BICRA: variants seen among roughly 807,000 people sequenced by gnomAD.
BICRA encodes BRD4-interacting chromatin-remodeling complex-associated protein.
A neutral mutation model predicts 96.9 loss-of-function variants in BICRA; 31 were observed. The ratio of observed to expected loss-of-function variants is 0.32; its 90% CI spans 0.24 to 0.43. The LOEUF (loss-of-function observed/expected upper bound fraction) is 0.43. Ranked by LOEUF, BICRA falls within the 20% of genes least tolerant of loss-of-function variation. BICRA has a pLI of 1.00. For synonymous variants in BICRA, 1,350 were observed against 1,071.8 expected (o/e 1.26, Z -5.07); for missense variants, 2,283 against 2,190.3 (o/e 1.04, Z -0.84).
In BICRA at chr19:47,699,196, C is replaced by T; in HGVS notation, c.3493-107C>T. ...AGGGAGGTTGGGAGGGAGGCGGGAG[C>T]TCCCATCACAAGGACAGTTTGGACC... On this transcript the variant is annotated intron_variant, in intron 13 of 14. Transcript: ENST00000594866. This position sits in a 1 kb window ranked among gnomAD's most constrained non-coding sequence, Gnocchi z 5.0. The T allele has an allele frequency of 1.1e-6, 1 of 876,664 alleles. No homozygotes were observed. Among genetic ancestry groups the T allele is most frequent in the South Asian group, 1.4e-5 (1 of 69,380 alleles). 54.3% of individuals were successfully genotyped at this position (876,664 alleles called of 1,614,324 possible).
rs145245323 is a variant in BICRA, at chr19:47,658,128, A to T, written c.-107-12315A>T. ...TTTAGCCAAATGTGAAAACTTTCCC[A>T]TATCCATTCTGAGCTGCAAGGGAGT... On this transcript the variant is annotated intron_variant, in intron 1 of 14. Coordinates refer to ENST00000594866, the MANE Select transcript of BICRA (RefSeq NM_001394372.1). 9.2e-5 allele frequency among the ~76,000 whole-genome samples: 14 copies of T among 152,324 alleles called. No individual in the cohort carries two copies. In the East Asian group the frequency reaches 2.7e-3, roughly 29 times the overall value.
At position 47,699,413 on chromosome 19, in the gene BICRA, G is replaced by A. The variant is rs532712234; in HGVS notation, c.3595+8G>A. On this transcript the variant is annotated splice_region_variant and intron_variant, in intron 14 of 14. Coordinates refer to ENST00000594866, the MANE Select transcript of BICRA (RefSeq NM_001394372.1). This position sits in a 1 kb window ranked among gnomAD's most constrained non-coding sequence, Gnocchi z 5.0. ...TGGCCAAGGAGAAGCCGGGTGAGAG[G>A]GGGGAGTGAGAGGGGAGGGGAGGGA... 2.0e-6 allele frequency: 3 copies of A among 1,495,468 alleles called. No homozygotes were observed. The highest frequency in any genetic ancestry group is 2.7e-6 in the Non-Finnish European group (3 of 1,094,704). 92.6% of individuals were successfully genotyped at this position (1,495,468 alleles called of 1,614,324 possible).
intron 7 of BICRA, among the ~76,000 whole-genome samples, chr19:47,682,760 C>T (rs371722850): frequency 6.6e-6 from 1 of 151,944 alleles, no homozygotes; most frequent in African/African-American, 2.4e-5. Flanking sequence ...CAACCTCCGC[C>T]TCCGATGTTT....
chr19:47,648,298 C>T (rs1972492073), intron 1 of BICRA, among the ~76,000 whole-genome samples: 1 of 151,906 alleles, frequency 6.6e-6, no homozygotes, highest in African/African-American at 2.4e-5. Flanking sequence ...GGTTTCTGGT[C>T]GGCCTGTGGA....
At chr19:47,612,285 C>T (rs987062395) in intron 1 of BICRA, among the ~76,000 whole-genome samples, 5 of 151,806 alleles carry the variant, frequency 3.3e-5, no homozygotes, top group African/African-American at 1.2e-4. Flanking sequence ...CATGGTGGCA[C>T]TCACCTGTGG....
At chr19:47,677,223 T>C (rs1350992082) in intron 5 of BICRA, among the ~76,000 whole-genome samples, 1 of 152,210 alleles carries the variant, frequency 6.6e-6, no homozygotes, top group Non-Finnish European at 1.5e-5. Context: ...CCGTGAACCC[T>C]CCATGTGGAT....
chr19:47,674,393 A>G (rs1169563385), intron 4 of BICRA, among the ~76,000 whole-genome samples: 1 of 152,224 alleles, frequency 6.6e-6, no homozygotes. Context: ...GCCCTTAAAC[A>G]CGAGAATGCC....
chr19:47,694,762 C>G, intron 8 of BICRA, 36 bp downstream of exon 8: 1 of 1,136,772 alleles, frequency 8.8e-7, no homozygotes, highest in Non-Finnish European at 1.3e-6. Context: ...CCCATCAGCC[C>G]CATCCCATCC....
chr19:47,681,913 G>A (rs1032556424), intron 6 of BICRA, 63 bp from the exon 7 acceptor site: 10 of 1,139,770 alleles, frequency 8.8e-6, no homozygotes, highest in African/African-American at 4.6e-5. Flanking sequence ...CAGGGGTCTC[G>A]GGTGGGGAGG....
intron 7 of BICRA, among the ~76,000 whole-genome samples, chr19:47,683,866 G>C (rs984527467): frequency 2.0e-5 from 3 of 152,180 alleles, no homozygotes; most frequent in Non-Finnish European, 4.4e-5. Context: ...TTATAGGCGT[G>C]AGCCACCGCA....
chr19:47,666,822 C>A (rs1442376407), intron 1 of BICRA, among the ~76,000 whole-genome samples: 2 of 152,134 alleles, frequency 1.3e-5, no homozygotes, highest in Non-Finnish European at 2.9e-5. Flanking sequence ...CATCCTCCTG[C>A]CTCAGCTTCC....
At chr19:47,685,774 T>C (rs1164450501) in intron 7 of BICRA, among the ~76,000 whole-genome samples, 32 of 134,114 alleles carry the variant, frequency 2.4e-4, no homozygotes, top group Non-Finnish European at 4.4e-4. Flanking sequence ...TGTGTGTGTG[T>C]GTGTGTGTGT....
chr19:47,649,116 G>T (rs1972506446), intron 1 of BICRA, among the ~76,000 whole-genome samples: 1 of 152,046 alleles, frequency 6.6e-6, no homozygotes, highest in Non-Finnish European at 1.5e-5. Context: ...ATCCCAAAGT[G>T]CTGGGATTAC....
chr19:47,702,478 G>C lies in BICRA; in HGVS notation c.*63G>C, dbSNP rs947759816. On this transcript the variant is annotated 3_prime_UTR_variant, in exon 15 of 15. Coordinates refer to ENST00000594866, the MANE Select transcript of BICRA (RefSeq NM_001394372.1). Reference sequence around the variant, plus strand: ...AAGACGCCGGGACAGTCGGGTGTCCGCCCTCAGCCTCCTGGGGACTCGAGC... The same window carrying C: ...AAGACGCCGGGACAGTCGGGTGTCCCCCCTCAGCCTCCTGGGGACTCGAGC... The C allele has an allele frequency of 5.0e-6, 7 of 1,404,316 alleles. No homozygotes were observed. The highest frequency in any genetic ancestry group is 3.0e-5 in the African/African-American group (2 of 65,740). The allele number at this position is 1,404,316 out of a possible 1,614,324, so 87.0% of individuals were successfully genotyped here.
chr19:47,662,315 T>C (rs1417667624), intron 1 of BICRA: 1 of 152,414 alleles, frequency 6.6e-6, no homozygotes, highest in Non-Finnish European at 1.5e-5. Context: ...TCTCATCCTC[T>C]TGCAGGCCAG....
Position 47,679,864 on chromosome 19 carries a change from C to A in BICRA, c.694C>A (p.Leu232Met). 6.6e-7 allele frequency: 1 copy of A among 1,514,460 alleles called. No homozygotes were observed. The highest frequency in any genetic ancestry group is 8.8e-7 in the Non-Finnish European group (1 of 1,137,158). 93.8% of individuals were successfully genotyped at this position (1,514,460 alleles called of 1,614,324 possible). ...GGGTGCCACGGCGGCCACACTGGGC[C>A]TGGCGCCCATCCAGGTGGTGGGCCA... ...PGGATAATLG[L>M]APIQVVGQPV... is the part of the protein sequence containing the mutation. The change falls in exon 6 of 15, where the codon CTG (leucine) becomes ATG (methionine). Residue 232 changes from leucine (L) to methionine (M), a missense_variant. Transcript: ENST00000594866.
At chr19:47,638,613 T>TCACACACACACA (rs34512769) in intron 1 of BICRA, among the ~76,000 whole-genome samples, 1 of 149,830 alleles carries the variant, frequency 6.7e-6, no homozygotes, top group African/African-American at 2.5e-5. Flanking sequence ...TCTCTCTCTG[T>TCACACACACACA]CACACACACA....
chr19:47,637,608 A>G (rs1460744536), intron 1 of BICRA, among the ~76,000 whole-genome samples: 1 of 152,170 alleles, frequency 6.6e-6, no homozygotes, highest in African/African-American at 2.4e-5. Flanking sequence ...GTATCTCCAC[A>G]GAGTTGTGCA....
chr19:47,643,984 TAG>T (rs1012823117), intron 1 of BICRA, among the ~76,000 whole-genome samples: 8 of 152,144 alleles, frequency 5.3e-5, no homozygotes, highest in Non-Finnish European at 1.2e-4. Context: ...GAGCATGATA[TAG>T]AGAGACCTTT....
Sources: gnomAD v4.1 joint callset for allele counts (sites outside exome capture counted in the v4.1 genomes callset) on GRCh38, gnomAD v4.1.1 for gene constraint, Gnocchi (gnomAD v3.1) non-coding constraint, MANE v1.5 for transcripts, NCBI Gene and HGNC (gene_info 2026-07-23, HGNC 2026-07-21) for gene names.